Variants in TYW1 observed in about 807,000 individuals in gnomAD.
TYW1 encodes tRNA-yW synthesizing protein 1 homolog, also known as S-adenosyl-L-methionine-dependent tRNA 4-demethylwyosine synthase TYW1.
A neutral mutation model predicts 96.2 loss-of-function variants in TYW1; 46 were observed. The observed-to-expected ratio is 0.48, with a 90% CI of 0.38 to 0.61. TYW1 has a LOEUF of 0.61. Ranked by LOEUF, TYW1 falls within the 20% of genes least tolerant of loss-of-function variation. TYW1 has a pLI of 0.00. For missense variants in TYW1, 684 were observed against 909.6 expected, an observed-to-expected ratio of 0.75 and a Z score of 3.19; for synonymous variants, 274 against 323.0, an observed-to-expected ratio of 0.85 and a Z score of 1.63.
intron 8 of TYW1, among the ~76,000 whole-genome samples, chr7:67,051,140 G>A (rs1795343897): frequency 6.6e-6 from 1 of 152,066 alleles, no homozygotes; most frequent in Non-Finnish European, 1.5e-5. Flanking sequence ...AAAGTGCTGG[G>A]ATTACAGGTG....
At chr7:67,170,537 T>A (rs1432465853) in intron 13 of TYW1, among the ~76,000 whole-genome samples, 2 of 152,196 alleles carry the variant, frequency 1.3e-5, no homozygotes, top group Non-Finnish European at 2.9e-5. Context: ...AATGAACTGT[T>A]TTAACATGAA....
At chr7:67,206,428 C>T (rs1321324034) in intron 15 of TYW1, among the ~76,000 whole-genome samples, 2 of 151,918 alleles carry the variant, frequency 1.3e-5, no homozygotes, top group Admixed American at 6.6e-5. Context: ...GTCAGGAGTT[C>T]GAGACCAGCC....
At chr7:67,019,579 T>A (rs920125539) in intron 6 of TYW1, among the ~76,000 whole-genome samples, 2 of 152,270 alleles carry the variant, frequency 1.3e-5, no homozygotes, top group African/African-American at 4.8e-5. Context: ...CCTCCCATCT[T>A]GGCCTCGGAC....
At chr7:67,111,857 T>G (rs1241105855) in intron 12 of TYW1, among the ~76,000 whole-genome samples, 1 of 152,082 alleles carries the variant, frequency 6.6e-6, no homozygotes, top group Admixed American at 6.5e-5. Context: ...CCCAGCACTT[T>G]GGGAGGCTGA....
intron 13 of TYW1, among the ~76,000 whole-genome samples, chr7:67,127,639 C>T (rs548261718): frequency 2.0e-4 from 30 of 152,264 alleles, no homozygotes; most frequent in African/African-American, 7.2e-4. Flanking sequence ...TTATTTTACT[C>T]CTTCTCTGAT....
chr7:67,017,289 C>G (rs949169503), intron 5 of TYW1, among the ~76,000 whole-genome samples: 1 of 151,932 alleles, frequency 6.6e-6, no homozygotes, highest in African/African-American at 2.4e-5. Context: ...GGCGTAGATA[C>G]GTAAATATTT....
At chr7:67,212,772 G>A (rs894191916) in intron 15 of TYW1, among the ~76,000 whole-genome samples, 1 of 151,926 alleles carries the variant, frequency 6.6e-6, no homozygotes, top group Non-Finnish European at 1.5e-5. Context: ...ATAATGATGA[G>A]CATCTTTTCA....
intron 12 of TYW1, among the ~76,000 whole-genome samples, chr7:67,113,881 C>T (rs975917615): frequency 1.7e-4 from 26 of 152,228 alleles, no homozygotes; most frequent in African/African-American, 6.0e-4. Flanking sequence ...TCAGGTGATC[C>T]TCCTGTCTCA....
intron 15 of TYW1, among the ~76,000 whole-genome samples, chr7:67,213,880 G>A (rs1035008156): frequency 2.0e-5 from 3 of 152,124 alleles, no homozygotes; most frequent in Non-Finnish European, 4.4e-5. Context: ...CTATGTGTCT[G>A]TTCTTTCCCC....
intron 14 of TYW1, among the ~76,000 whole-genome samples, chr7:67,186,287 C>T (rs1268177765): frequency 1.1e-5 from 1 of 94,970 alleles, no homozygotes; most frequent in Non-Finnish European, 2.0e-5. Context: ...CACCTCTCCC[C>T]CCTCCTTTCT....
chr7:66,998,946 A>G lies in TYW1; in HGVS notation c.265A>G (p.Thr89Ala), dbSNP rs780728016. The G allele has an allele frequency of 1.2e-6, 2 of 1,613,840 alleles. No individual in the cohort carries two copies. Among genetic ancestry groups the G allele is most frequent in the Non-Finnish European group, 1.7e-6 (2 of 1,179,954 alleles). ...VKIFYGSQTG[T>A]AKGFATVLAE... is the part of the protein sequence containing the mutation. ...GATTTTTTATGGTTCTCAGACTGGAACAGCGAAGGTAAGAAATTTATATGA... is the reference window on the plus strand; with the variant it reads ...GATTTTTTATGGTTCTCAGACTGGAGCAGCGAAGGTAAGAAATTTATATGA... Residue 89 changes from threonine to alanine, a missense_variant, in exon 3 of 16, where the codon ACA becomes GCA. By Grantham distance (58) the Thr-to-Ala change is moderately conservative. Coordinates refer to ENST00000359626, the MANE Select transcript of TYW1 (RefSeq NM_018264.4).
At chr7:67,227,283 G>A (rs866761814) in intron 15 of TYW1, among the ~76,000 whole-genome samples, 28 of 151,918 alleles carry the variant, frequency 1.8e-4, no homozygotes, top group Admixed American at 9.2e-4. Flanking sequence ...TGAGATGGGC[G>A]TCTCACTCTG....
chr7:67,021,131 T>C (rs1286255359), intron 6 of TYW1, among the ~76,000 whole-genome samples: 2 of 152,296 alleles, frequency 1.3e-5, no homozygotes, highest in Non-Finnish European at 2.9e-5. Flanking sequence ...CCCTAGGGGA[T>C]TGTCATACGT....
chr7:67,042,067 T>C (rs1795045659), intron 7 of TYW1, among the ~76,000 whole-genome samples: 1 of 144,872 alleles, frequency 6.9e-6, no homozygotes. Context: ...TAGAATTATA[T>C]AATTATATTA....
chr7:67,222,878 T>C (rs1339566636), intron 15 of TYW1, among the ~76,000 whole-genome samples: 1 of 150,556 alleles, frequency 6.6e-6, no homozygotes, highest in East Asian at 1.9e-4. Context: ...TTTTTTTTTT[T>C]TTTTTTTGCT....
intron 15 of TYW1, among the ~76,000 whole-genome samples, chr7:67,234,945 G>T (rs1314550890): frequency 9.7e-5 from 13 of 134,500 alleles, no homozygotes; most frequent in Non-Finnish European, 2.1e-4. Flanking sequence ...ATTTTTGACT[G>T]TAGGTATGGT....
chr7:67,089,826 A>G (rs1796658113), intron 11 of TYW1, among the ~76,000 whole-genome samples: 1 of 152,158 alleles, frequency 6.6e-6, no homozygotes, highest in Non-Finnish European at 1.5e-5. Context: ...TTAACTTTGC[A>G]TTGATTAAAA....
At position 66,998,939 on chromosome 7, in the gene TYW1, G is replaced by A. The variant is rs41308862; in HGVS notation, c.258G>A (p.Gln86=). 32,620 of 1,613,820 alleles carry A rather than the reference G, an allele frequency of 0.02. 436 individuals are homozygous for A. The highest frequency in any genetic ancestry group is 0.023 in the Non-Finnish European group (27,416 of 1,179,928). ...VSGVKIFYGS[Q]TGTAKGFATV... is the part of the protein sequence containing the mutation. The stretch of plus-strand genomic sequence containing the variant: ...GAGTGAAGATTTTTTATGGTTCTCA[G>A]ACTGGAACAGCGAAGGTAAGAAATT... Residue 86 remains glutamine, a synonymous_variant, in exon 3 of 16, where the codon CAG becomes CAA. Transcript: ENST00000359626.
intron 13 of TYW1, among the ~76,000 whole-genome samples, chr7:67,121,472 C>T (rs1389304171): frequency 7.2e-5 from 11 of 152,028 alleles, no homozygotes; most frequent in Admixed American, 2.0e-4. Flanking sequence ...ACCGAGGAGG[C>T]GGAGGTTGTA....
Sources: gnomAD v4.1 joint callset for allele counts (sites outside exome capture counted in the v4.1 genomes callset) on GRCh38, gnomAD v4.1.1 for gene constraint, MANE v1.5 for transcripts, NCBI Gene and HGNC (gene_info 2026-07-23, HGNC 2026-07-21) for gene names.